The following RAD52 variants were observed in gnomAD, a reference collection of about 807,000 sequenced individuals.
RAD52 encodes the protein DNA repair protein RAD52 homolog.
RAD52 carries 47 observed loss-of-function variants against 55.5 expected under a neutral mutation model. That is an observed-to-expected ratio of 0.85 (90% CI 0.67 to 1.08). RAD52 has a LOEUF of 1.08. RAD52 is among the 50% of genes least tolerant of loss of function. The pLI, the probability that RAD52 is intolerant of heterozygous loss-of-function variation, is 0.00. For missense variants in RAD52, 468 were observed against 522.8 expected, an observed-to-expected ratio of 0.90 and a Z score of 1.02; for synonymous variants, 184 against 198.9, an observed-to-expected ratio of 0.92 and a Z score of 0.63.
intron 1 of RAD52, among the ~76,000 whole-genome samples, chr12:981,159 C>T (rs1020623527): frequency 2.0e-5 from 3 of 150,544 alleles, no homozygotes; most frequent in Non-Finnish European, 4.4e-5. Flanking sequence ...GTGAAACCCC[C>T]GTCTCTACCA....
intron 1 of RAD52, among the ~76,000 whole-genome samples, chr12:973,643 A>G (rs1958898051): frequency 6.6e-6 from 1 of 151,224 alleles, no homozygotes; most frequent in Admixed American, 6.6e-5. Context: ...ATGCCCAGCT[A>G]AATTTTGTAT....
chr12:913,154 A>G lies in RAD52; in HGVS notation c.*237T>C. 1 of 434,612 alleles carries G rather than the reference A, an allele frequency of 2.3e-6. No individual in the cohort carries two copies. The highest frequency in any genetic ancestry group is 3.6e-5 in the East Asian group (1 of 27,794). 26.9% of individuals were successfully genotyped at this position (434,612 alleles called of 1,614,324 possible). A position where few individuals can be genotyped will look rare whatever the true frequency, so the allele number is the denominator to read the frequency against. The stretch of plus-strand genomic sequence containing the variant: ...TAGTGGGAAGCCTCACAAGCCGAAG[A>G]AAAGGTATTCATCTGTCCAGAGCCT... On this transcript the variant is annotated 3_prime_UTR_variant, in exon 12 of 12. Transcript: ENST00000358495.
intron 4 of RAD52, 49 bp downstream of exon 4, chr12:930,002 G>A: frequency 1.3e-6 from 2 of 1,588,700 alleles, no homozygotes; most frequent in South Asian, 2.2e-5. Flanking sequence ...CAGACTTTCA[G>A]CAGGAGCTGG....
At chr12:952,472 G>C (rs1958541522), upstream of RAD52, among the ~76,000 whole-genome samples, 1 of 152,086 alleles carries the variant, frequency 6.6e-6, no homozygotes, top group Non-Finnish European at 1.5e-5. Context: ...CAAAAAGACA[G>C]GTAGAAATTA....
chr12:961,765 G>A (rs79634825), intron 1 of RAD52, among the ~76,000 whole-genome samples: 1 of 151,970 alleles, frequency 6.6e-6, no homozygotes, highest in East Asian at 1.9e-4. Context: ...CGGGAGGTTG[G>A]AGCAGTAGAC....
At chr12:969,677 G>C (rs1229116016) in intron 1 of RAD52, among the ~76,000 whole-genome samples, 1 of 151,600 alleles carries the variant, frequency 6.6e-6, no homozygotes, top group East Asian at 1.9e-4. Flanking sequence ...TGTAGTCCCA[G>C]CTACTTGGGA....
In RAD52 at chr12:915,890, T is replaced by A. The variant is rs11571466; in HGVS notation, c.865+454A>T. 8.5e-3 allele frequency among the ~76,000 whole-genome samples: 1,287 copies of A among 152,278 alleles called. 5 individuals are homozygous for A. Among genetic ancestry groups the A allele is most frequent in the Non-Finnish European group, 0.013 (884 of 68,010 alleles). On this transcript the variant is annotated intron_variant, in intron 9 of 11. Transcript: ENST00000358495. The stretch of plus-strand genomic sequence containing the variant: ...CCACCACACCTGGCTAATTTTTATG[T>A]ATTTTTAATAGAGACGGGGTTTCGC...
intron 7 of RAD52, among the ~76,000 whole-genome samples, chr12:924,271 G>A (rs183547666): frequency 6.6e-6 from 1 of 151,680 alleles, no homozygotes; most frequent in East Asian, 1.9e-4. Flanking sequence ...TTAGCCAGGC[G>A]TGGTGGTACA....
chr12:922,262 G>T (rs1956784776), intron 7 of RAD52, among the ~76,000 whole-genome samples: 1 of 145,184 alleles, frequency 6.9e-6, no homozygotes, highest in South Asian at 2.2e-4. Flanking sequence ...AGAAAAATCT[G>T]AACTCATGTG....
In RAD52 at chr12:930,676, T is replaced by C. The variant is rs140839528; in HGVS notation, c.187-532A>G. 4.6e-3 allele frequency among the ~76,000 whole-genome samples: 695 copies of C among 151,268 alleles called. 6 individuals carry two copies. The highest frequency in any genetic ancestry group is 0.016 in the African/African-American group (645 of 41,234). ...GGCAAAAGGAACATTTTTTTTTTAA[T>C]GGTGTAAAGGCTGGGCATGGTGGCC... On this transcript the variant is annotated intron_variant, in intron 3 of 11. Transcript: ENST00000358495.
At chr12:915,373 C>T (rs567144345) in intron 9 of RAD52, among the ~76,000 whole-genome samples, 7 of 152,296 alleles carry the variant, frequency 4.6e-5, no homozygotes, top group South Asian at 2.1e-4. Context: ...TTCAGCCTGT[C>T]GGTGCTGAGG....
At chr12:955,042 A>C (rs1019411386) in intron 1 of RAD52, among the ~76,000 whole-genome samples, 9 of 152,236 alleles carry the variant, frequency 5.9e-5, no homozygotes, top group African/African-American at 2.2e-4. Context: ...CAGACAAAAC[A>C]ATATTCACTA....
intron 1 of RAD52, among the ~76,000 whole-genome samples, chr12:983,032 T>C (rs561361355): frequency 3.9e-5 from 6 of 152,162 alleles, no homozygotes; most frequent in African/African-American, 1.4e-4. Flanking sequence ...GTATTTTTAG[T>C]GAAGACAAGG....
intron 1 of RAD52, among the ~76,000 whole-genome samples, chr12:966,942 A>C (rs1005334623): frequency 6.6e-6 from 1 of 151,678 alleles, no homozygotes; most frequent in East Asian, 1.9e-4. Flanking sequence ...ACACTTCCTT[A>C]TTTTTCCCTG....
intron 1 of RAD52, among the ~76,000 whole-genome samples, chr12:970,288 C>T (rs1668604024): frequency 1.5e-5 from 2 of 130,672 alleles, no homozygotes; most frequent in Non-Finnish European, 3.1e-5. Flanking sequence ...TACTGCACTC[C>T]AGCCTGGGCA....
At position 925,452 on chromosome 12, in the gene RAD52, G is replaced by A. The variant is rs1333303313; in HGVS notation, c.541C>T (p.Gln181Ter). The A allele has an allele frequency of 6.2e-7, 1 of 1,612,352 alleles. No homozygotes were observed. The highest frequency in any genetic ancestry group is 1.7e-5 in the Admixed American group (1 of 60,002). ...CCACTCATCCATGTCTGATATACCT[G>A]GCGTGGAAGCTTATTTAGTGATCTC... is the stretch of plus-strand genomic sequence containing the variant. ...YLRSLNKLPR[Q>*]LPLEVDLTKA... Residue 181 changes from glutamine (Q) to a stop codon, truncating the protein, a stop_gained and splice_region_variant, in exon 7 of 12, where the codon CAG becomes TAG. Transcript: ENST00000358495. LOFTEE classifies it high-confidence loss of function.
At chr12:943,621 T>G (rs1487257079) in intron 1 of RAD52, among the ~76,000 whole-genome samples, 1 of 152,146 alleles carries the variant, frequency 6.6e-6, no homozygotes, top group African/African-American at 2.4e-5. Context: ...AGTGCCAGGA[T>G]TACAGACGTG....
At chr12:982,981 T>C (rs367730145) in intron 1 of RAD52, among the ~76,000 whole-genome samples, 4 of 152,132 alleles carry the variant, frequency 2.6e-5, no homozygotes, top group South Asian at 4.1e-4. Flanking sequence ...TCCCCAGTAG[T>C]TGGGGTTACA....
chr12:929,302 A>C (rs544683736), intron 5 of RAD52, among the ~76,000 whole-genome samples: 3 of 152,370 alleles, frequency 2.0e-5, no homozygotes, highest in African/African-American at 7.2e-5. Flanking sequence ...TTCTTCAAAT[A>C]AATGATAGAT....
Sources: allele counts gnomAD v4.1 joint callset (sites outside exome capture counted in the v4.1 genomes callset), GRCh38; gene constraint gnomAD v4.1.1; transcripts MANE v1.5; gene names NCBI Gene and HGNC (gene_info 2026-07-23, HGNC 2026-07-21).